The following SAMD3 variants were observed in gnomAD, a reference collection of about 807,000 sequenced individuals.
The protein encoded by SAMD3 is sterile alpha motif domain-containing protein 3.
In SAMD3, 63 loss-of-function variants were observed where a neutral mutation model predicts 58.5. The observed-to-expected ratio is 1.08, with a 90% CI of 0.88 to 1.33. The LOEUF is 1.33. SAMD3 is among the 40% of genes most tolerant of loss of function. SAMD3 has a pLI of 0.00. For missense variants in SAMD3, 604 were observed against 608.4 expected (o/e 0.99, Z 0.08); for synonymous variants, 220 against 210.3 (o/e 1.05, Z -0.40).
At chr6:130,164,600 C>T (rs964777817) in intron 8 of SAMD3, among the ~76,000 whole-genome samples, 1 of 152,128 alleles carries the variant, frequency 6.6e-6, no homozygotes, top group Non-Finnish European at 1.5e-5. Flanking sequence ...GGCAAGATTA[C>T]ACTGCCGCAC....
intron 1 of SAMD3, among the ~76,000 whole-genome samples, chr6:130,314,820 C>A (rs1220413996): frequency 6.6e-6 from 1 of 152,120 alleles, no homozygotes. Flanking sequence ...AAAACTTTGA[C>A]CTGGCATTGG....
At chr6:130,259,428 G>A (rs896381674) in intron 2 of SAMD3, among the ~76,000 whole-genome samples, 16 of 152,230 alleles carry the variant, frequency 1.1e-4, no homozygotes, top group African/African-American at 3.6e-4. Flanking sequence ...TGAATGCAGT[G>A]AGAACTCACT....
At chr6:130,299,380 C>T (rs1224836243) in intron 2 of SAMD3, among the ~76,000 whole-genome samples, 12 of 151,900 alleles carry the variant, frequency 7.9e-5, no homozygotes, top group Non-Finnish European at 7.4e-5. Flanking sequence ...GGGTAAAGAA[C>T]AAAATTAACG....
intron 2 of SAMD3, among the ~76,000 whole-genome samples, chr6:130,244,743 AAAAAT>A (rs1240637661): frequency 0.083 from 4,106 of 49,710 alleles, 227 homozygotes; most frequent in African/African-American, 0.41. Flanking sequence ...GTCTCAAAAA[AAAAAT>A]AAAAATAAAA....
chr6:130,358,723 T>A (rs966031674), intron 1 of SAMD3, among the ~76,000 whole-genome samples: 1 of 132,856 alleles, frequency 7.5e-6, no homozygotes, highest in Non-Finnish European at 1.6e-5. Flanking sequence ...TCCCACTATG[T>A]CTTACACACA....
rs1171309533 is a variant in SAMD3, at chr6:130,145,990, A to G, written c.1195+20T>C. 2.9e-6 allele frequency: 4 copies of G among 1,371,504 alleles called. No individual in the cohort carries two copies. The Admixed American group carries it at 8.1e-5, about 28-fold the overall frequency. 85.0% of individuals were successfully genotyped at this position (1,371,504 alleles called of 1,614,324 possible). On this transcript the variant is annotated intron_variant, in intron 10 of 11. Transcript: ENST00000439090. ...GATAAATAACAGATGAAATCACACCACTCCATAAGGTTTACTAACATTTCA... is the reference window on the plus strand; with the variant it reads ...GATAAATAACAGATGAAATCACACCGCTCCATAAGGTTTACTAACATTTCA...
At chr6:130,202,480 C>T (rs1162306503) in intron 5 of SAMD3, among the ~76,000 whole-genome samples, 1 of 152,148 alleles carries the variant, frequency 6.6e-6, no homozygotes, top group Admixed American at 6.5e-5. Context: ...ATCCCCAATA[C>T]CTACAACAGT....
chr6:130,281,919 GCCAGTGGAATAGA>G (rs1774995470), intron 2 of SAMD3, among the ~76,000 whole-genome samples: 1 of 151,866 alleles, frequency 6.6e-6, no homozygotes, highest in Admixed American at 6.6e-5. Flanking sequence ...AAGCTTATGC[GCCAGTGGAATAGA>G]CCTACTCACA....
At chr6:130,360,317 T>C (rs1384610905) in intron 1 of SAMD3, among the ~76,000 whole-genome samples, 1 of 152,196 alleles carries the variant, frequency 6.6e-6, no homozygotes, top group Non-Finnish European at 1.5e-5. Flanking sequence ...GCCCCAATAG[T>C]CATGTAGGTC....
chr6:130,174,957 A>C (rs201575189), intron 8 of SAMD3, among the ~76,000 whole-genome samples: 1 of 152,262 alleles, frequency 6.6e-6, no homozygotes, highest in East Asian at 1.9e-4. Context: ...AGCACTAGTA[A>C]AACTGAGGTG....
At position 130,144,529 on chromosome 6, in the gene SAMD3, T is replaced by C; in HGVS notation, c.1554A>G (p.Pro518=). The change falls in exon 12 of 12, where the codon CCA becomes CCG. Residue 518 remains proline, a synonymous_variant. Transcript: ENST00000439090. ...EKENEVGFQH[P]LT ...AATATTTGGCATGCTATTAAGTGAGTGGGTGCTGAAATCCTACTTCGTTTT... is the reference window on the plus strand; with the variant it reads ...AATATTTGGCATGCTATTAAGTGAGCGGGTGCTGAAATCCTACTTCGTTTT... The C allele has an allele frequency of 2.5e-6, 4 of 1,613,666 alleles. No individual in the cohort carries two copies. The highest frequency in any genetic ancestry group is 1.1e-5 in the South Asian group (1 of 91,006).
intron 2 of SAMD3, among the ~76,000 whole-genome samples, chr6:130,245,688 G>A (rs910790737): frequency 1.3e-5 from 2 of 152,154 alleles, no homozygotes; most frequent in African/African-American, 4.8e-5. Context: ...CCATGTATTG[G>A]CCTCAGGGAG....
chr6:130,204,503 G>A (rs556193307), intron 5 of SAMD3, among the ~76,000 whole-genome samples: 1 of 152,064 alleles, frequency 6.6e-6, no homozygotes, highest in Admixed American at 6.5e-5. Context: ...ATACTGAGGT[G>A]GGAGGACTGT....
In SAMD3 at chr6:130,322,381, C is replaced by T. The variant is rs193065626; in HGVS notation, c.-303-9288G>A. Among the ~76,000 whole-genome samples, 25 of 152,220 alleles carry T rather than the reference C, an allele frequency of 1.6e-4. 1 individual carries two copies. In the East Asian group the frequency reaches 2.9e-3, roughly 18 times the overall value. On this transcript the variant is annotated intron_variant, in intron 1 of 13. Coordinates refer to the SAMD3 transcript ENST00000368134. ...AGGCATTTTCTCATAGATTGTAGGA[C>T]GAGTAAGAGCAGAAGGTACAAGTGA...
intron 2 of SAMD3, among the ~76,000 whole-genome samples, chr6:130,288,345 G>C (rs556799205): frequency 6.6e-6 from 1 of 152,158 alleles, no homozygotes; most frequent in South Asian, 2.1e-4. Flanking sequence ...TCTTCTTCTG[G>C]GTACCTCAGT....
intron 2 of SAMD3, among the ~76,000 whole-genome samples, chr6:130,250,289 C>T (rs17058615): frequency 0.13 from 20,323 of 152,130 alleles, 1,616 homozygotes; most frequent in East Asian, 0.34. Flanking sequence ...TCCTATTCTA[C>T]GTTATCAAAA....
In SAMD3 at chr6:130,180,953, C is replaced by CTTTTTTTTTTTTTTTTTTTTTTT. The variant is rs370213784; in HGVS notation, c.654+3149_654+3150insAAAAAAAAAAAAAAAAAAAAAAA. 3.2e-4 allele frequency among the ~76,000 whole-genome samples: 37 copies of CTTTTTTTTTTTTTTTTTTTTTTT among 117,354 alleles called. 2 individuals carry two copies. The highest frequency in any genetic ancestry group is 3.5e-4 in the Non-Finnish European group (20 of 57,234). The allele number at this position is 117,354 out of a possible 152,430, so 77.0% of individuals were successfully genotyped here. On this transcript the variant is annotated intron_variant, in intron 7 of 11. Transcript: ENST00000439090. Reference sequence around the variant, plus strand: ...TTTTCTTTTTTCTTTTTCTTTCTTTCTTTTTTCTTTTGAGACGGAGTTCCG... The same window carrying CTTTTTTTTTTTTTTTTTTTTTTT: ...TTTTCTTTTTTCTTTTTCTTTCTTTCTTTTTTTTTTTTTTTTTTTTTTTTTTTTTCTTTTGAGACGGAGTTCCG...
chr6:130,250,736 T>C (rs781152670), intron 2 of SAMD3, among the ~76,000 whole-genome samples: 1 of 152,208 alleles, frequency 6.6e-6, no homozygotes, highest in South Asian at 2.1e-4. Flanking sequence ...ATAATGGTTT[T>C]AAGGTTCATT....
chr6:130,283,585 G>A (rs7770566), intron 2 of SAMD3, among the ~76,000 whole-genome samples: 48,403 of 151,738 alleles, frequency 0.32, 7,939 homozygotes, highest in East Asian at 0.48. Flanking sequence ...AAAGAGAAAC[G>A]GTATATTGTA....
Sources: allele counts gnomAD v4.1 joint callset (sites outside exome capture counted in the v4.1 genomes callset), GRCh38; gene constraint gnomAD v4.1.1; transcripts MANE v1.5; gene names NCBI Gene and HGNC (gene_info 2026-07-23, HGNC 2026-07-21).